Variants in PAM observed in about 807,000 individuals in gnomAD.
PAM encodes peptidyl-glycine alpha-amidating monooxygenase.
A neutral mutation model predicts 122.1 loss-of-function variants in PAM; 72 were observed. The observed-to-expected ratio is 0.59, with a 90% CI of 0.49 to 0.72. PAM has a LOEUF of 0.72. Ranked by LOEUF, PAM falls within the 30% of genes least tolerant of loss-of-function variation. The pLI is 0.00. For synonymous variants in PAM, 389 were observed against 404.4 expected (o/e 0.96, Z 0.46); for missense variants, 1,106 against 1,183.7 (o/e 0.93, Z 0.96).
chr5:102,776,996 G>A (rs757756678), intron 1 of PAM, among the ~76,000 whole-genome samples: 3 of 151,932 alleles, frequency 2.0e-5, no homozygotes, highest in Non-Finnish European at 4.4e-5. Flanking sequence ...ATGCAGAAAA[G>A]TTTTTTATTC....
chr5:102,923,526 C>G (rs1370778282), intron 5 of PAM, among the ~76,000 whole-genome samples: 3 of 152,086 alleles, frequency 2.0e-5, no homozygotes, highest in South Asian at 4.1e-4. Context: ...TTTCAAAACA[C>G]AAATACACAA....
At chr5:102,780,421 G>T (rs1758401211) in intron 1 of PAM, among the ~76,000 whole-genome samples, 1 of 151,982 alleles carries the variant, frequency 6.6e-6, no homozygotes, top group Admixed American at 6.6e-5. Context: ...AAACATAAGG[G>T]GTTTTAAACC....
At chr5:102,925,908 G>A (rs1453135156) in intron 6 of PAM, among the ~76,000 whole-genome samples, 1 of 152,110 alleles carries the variant, frequency 6.6e-6, no homozygotes, top group Non-Finnish European at 1.5e-5. Flanking sequence ...CTGAGATAAT[G>A]GACTTCAGTA....
chr5:102,943,296 A>G (rs1581978832), intron 7 of PAM, among the ~76,000 whole-genome samples: 1 of 152,288 alleles, frequency 6.6e-6, no homozygotes, highest in Non-Finnish European at 1.5e-5. Context: ...ATTATCGTGC[A>G]TTATTCCACA....
At chr5:102,819,321 G>A (rs1282315819) in intron 1 of PAM, among the ~76,000 whole-genome samples, 2 of 152,032 alleles carry the variant, frequency 1.3e-5, no homozygotes, top group African/African-American at 2.4e-5. Context: ...ACCTACCATC[G>A]TTTTGGTGAA....
chr5:102,849,814 G>T lies in PAM; in HGVS notation c.-373-16009G>T, dbSNP rs990141111. Among the ~76,000 whole-genome samples the T allele has an allele frequency of 2.0e-5, 3 of 152,070 alleles. No homozygotes were observed. In the South Asian group the frequency reaches 6.2e-4, roughly 32 times the overall value. On this transcript the variant is annotated intron_variant, in intron 1 of 25. Coordinates refer to ENST00000438793, the MANE Select transcript of PAM (RefSeq NM_001177306.2). ...GATAAATTAGAATATCAACATATTCGGGAAAATGAATGTCAGTACCAGAAC... is the reference window on the plus strand; with the variant it reads ...GATAAATTAGAATATCAACATATTCTGGAAAATGAATGTCAGTACCAGAAC...
At chr5:102,770,588 T>C (rs1755473969) in intron 1 of PAM, among the ~76,000 whole-genome samples, 1 of 152,178 alleles carries the variant, frequency 6.6e-6, no homozygotes, top group African/African-American at 2.4e-5. Flanking sequence ...CATTGAATTT[T>C]ATCATATGCT....
intron 4 of PAM, among the ~76,000 whole-genome samples, chr5:102,912,890 A>G (rs1163939351): frequency 2.6e-5 from 4 of 152,068 alleles, no homozygotes; most frequent in Admixed American, 2.0e-4. Context: ...GATGGCACAC[A>G]GTAGGTTTGG....
intron 12 of PAM, among the ~76,000 whole-genome samples, chr5:102,955,877 G>C (rs1420444755): frequency 9.2e-5 from 14 of 151,854 alleles, no homozygotes; most frequent in Non-Finnish European, 2.1e-4. Context: ...GTTTTAAAAT[G>C]AGATTTTTTG....
At position 102,870,817 on chromosome 5, in the gene PAM, A is replaced by G. The variant is rs866503381; in HGVS notation, c.210+3424A>G. Among the ~76,000 whole-genome samples the G allele has an allele frequency of 2.0e-5, 3 of 152,180 alleles. No homozygotes were observed. The Middle Eastern group carries it at 0.01, about 518-fold the overall frequency. On this transcript the variant is annotated intron_variant, in intron 3 of 25. Coordinates refer to ENST00000438793, the MANE Select transcript of PAM (RefSeq NM_001177306.2). Reference sequence around the variant, plus strand: ...CACTGGCTTCAAATCCAGCAGAGCCATGAAGTGGTGATATCTTGAGACTCC... The same window carrying G: ...CACTGGCTTCAAATCCAGCAGAGCCGTGAAGTGGTGATATCTTGAGACTCC...
chr5:102,885,587 T>C lies in PAM; in HGVS notation c.211-15769T>C, dbSNP rs140368421. On this transcript the variant is annotated intron_variant, in intron 3 of 25. Transcript: ENST00000438793. Reference sequence around the variant, plus strand: ...CAAGTTTAGAAGTTAACAAATAGTCTCTATATTTTTTCTCAGCTTGTCATA... The same window carrying C: ...CAAGTTTAGAAGTTAACAAATAGTCCCTATATTTTTTCTCAGCTTGTCATA... Among the ~76,000 whole-genome samples the C allele has an allele frequency of 1.1e-3, 174 of 152,062 alleles. 1 individual carries two copies. Among genetic ancestry groups the C allele is most frequent in the Admixed American group, 1.9e-3 (29 of 15,226 alleles).
chr5:103,002,021 C>T (rs1777539213), intron 16 of PAM, among the ~76,000 whole-genome samples: 1 of 151,966 alleles, frequency 6.6e-6, no homozygotes, highest in East Asian at 1.9e-4. Flanking sequence ...CACACATACA[C>T]ACCCACACAC....
intron 1 of PAM, among the ~76,000 whole-genome samples, chr5:102,820,752 T>A (rs754792924): frequency 6.6e-6 from 1 of 152,182 alleles, no homozygotes; most frequent in Non-Finnish European, 1.5e-5. Context: ...TAAGTAATTA[T>A]AATTGACAAG....
intron 1 of PAM, among the ~76,000 whole-genome samples, chr5:102,783,940 AGGCTGGAGTGCAGT>A (rs1759750425): frequency 6.7e-6 from 1 of 149,636 alleles, no homozygotes; most frequent in African/African-American, 2.5e-5. Context: ...TCTGTCACCC[AGGCTGGAGTGCAGT>A]GGCGCAATCT....
intron 1 of PAM, among the ~76,000 whole-genome samples, chr5:102,850,698 T>G (rs1373512726): frequency 6.6e-6 from 1 of 152,288 alleles, no homozygotes; most frequent in South Asian, 2.1e-4. Flanking sequence ...AGTACTTGAC[T>G]TCCCCACCAA....
chr5:102,759,636 C>A (rs1340111719), intron 1 of PAM, among the ~76,000 whole-genome samples: 3 of 152,122 alleles, frequency 2.0e-5, no homozygotes, highest in Non-Finnish European at 2.9e-5. Context: ...CCAAACCAGA[C>A]AAATCTGTAG....
chr5:103,023,493 T>C (rs1784177862), intron 23 of PAM, among the ~76,000 whole-genome samples: 1 of 149,572 alleles, frequency 6.7e-6, no homozygotes, highest in African/African-American at 2.5e-5. Context: ...TGTATATCTT[T>C]CCTATAGCAA....
chr5:102,794,625 A>G (rs79450926), intron 1 of PAM, among the ~76,000 whole-genome samples: 4,006 of 152,278 alleles, frequency 0.026, 107 homozygotes, highest in East Asian at 0.14. Context: ...TGATATTTAT[A>G]TTTATGCTGA....
intron 1 of PAM, among the ~76,000 whole-genome samples, chr5:102,780,600 G>T (rs1296353501): frequency 6.6e-6 from 1 of 151,768 alleles, no homozygotes; most frequent in Non-Finnish European, 1.5e-5. Flanking sequence ...TGTACCTCCC[G>T]ACTGAACTCC....
Sources: gnomAD v4.1 joint callset for allele counts (sites outside exome capture counted in the v4.1 genomes callset) on GRCh38, gnomAD v4.1.1 for gene constraint, MANE v1.5 for transcripts, NCBI Gene and HGNC (gene_info 2026-07-23, HGNC 2026-07-21) for gene names.